Variants in NRXN3 observed in about 807,000 individuals in gnomAD.
The protein encoded by NRXN3 is neurexin 3, also known as neurexin III.
NRXN3 carries 32 observed loss-of-function variants against 137.6 expected under a neutral mutation model. The ratio of observed to expected loss-of-function variants is 0.23; its 90% confidence interval spans 0.18 to 0.31. NRXN3 has a LOEUF of 0.31. Ranked by LOEUF, NRXN3 falls within the 10% of genes least tolerant of loss-of-function variation. NRXN3 has a pLI of 1.00. For missense variants in NRXN3, 1,574 were observed against 2,062.5 expected (o/e 0.76, Z 4.59); for synonymous variants, 798 against 784.5 (o/e 1.02, Z -0.29).
intron 10 of NRXN3, among the ~76,000 whole-genome samples, chr14:78,921,778 A>G (rs1368199541): frequency 2.0e-5 from 3 of 152,232 alleles, no homozygotes; most frequent in Admixed American, 6.5e-5. Context: ...CTAGACAAAC[A>G]TATAAATCAA....
At chr14:78,249,480 C>T (rs2068243776) in intron 2 of NRXN3, among the ~76,000 whole-genome samples, 1 of 152,102 alleles carries the variant, frequency 6.6e-6, no homozygotes, top group African/African-American at 2.4e-5. Context: ...CTTCACAGGG[C>T]AGATGAGGTG....
At chr14:79,547,238 A>C (rs547302035) in intron 16 of NRXN3, among the ~76,000 whole-genome samples, 4 of 152,292 alleles carry the variant, frequency 2.6e-5, no homozygotes, top group African/African-American at 9.6e-5. Context: ...TGTATCCTGC[A>C]GTGGAAAATT....
rs901996135 is a variant in NRXN3, at chr14:79,144,776, C to A, written c.3262+156635C>A. ...TTCTTGGTTGTTTATTCTCTTTCTT[C>A]TTCCCTCTTTATATCTCTCCATCCT... is the stretch of plus-strand genomic sequence containing the variant. On this transcript the variant is annotated intron_variant, in intron 15 of 20. Coordinates refer to ENST00000335750, the MANE Select transcript of NRXN3 (RefSeq NM_001330195.2). 4.6e-5 allele frequency among the ~76,000 whole-genome samples: 7 copies of A among 152,112 alleles called. No homozygotes were observed. In the East Asian group the frequency reaches 1.2e-3, roughly 25 times the overall value.
intron 10 of NRXN3, among the ~76,000 whole-genome samples, chr14:78,872,207 G>T (rs2099103021): frequency 1.4e-5 from 2 of 148,018 alleles, no homozygotes; most frequent in South Asian, 4.2e-4. Context: ...CAATTCTTTT[G>T]TTGAATAAAT....
At chr14:78,502,946 A>C (rs941154314) in intron 4 of NRXN3, among the ~76,000 whole-genome samples, 4 of 152,148 alleles carry the variant, frequency 2.6e-5, no homozygotes, top group Non-Finnish European at 5.9e-5. Context: ...TCTACATTCT[A>C]TGTGTATTTG....
intron 15 of NRXN3, among the ~76,000 whole-genome samples, chr14:79,453,310 A>T (rs954601597): frequency 6.6e-6 from 1 of 152,190 alleles, no homozygotes; most frequent in Non-Finnish European, 1.5e-5. Context: ...TGTCTCAAAA[A>T]AATAAATAAA....
chr14:78,799,429 A>G (rs925181602), intron 8 of NRXN3, among the ~76,000 whole-genome samples: 13 of 152,186 alleles, frequency 8.5e-5, no homozygotes, highest in African/African-American at 3.1e-4. Flanking sequence ...CCTGAATTTC[A>G]TTGTCAGCAT....
At chr14:78,332,647 C>T (rs1258394881) in intron 4 of NRXN3, among the ~76,000 whole-genome samples, 6 of 152,200 alleles carry the variant, frequency 3.9e-5, no homozygotes, top group Non-Finnish European at 7.4e-5. Flanking sequence ...TCACACTGCC[C>T]CCTTCCATGG....
chr14:79,788,366 C>T (rs1457201400), intron 19 of NRXN3, among the ~76,000 whole-genome samples: 2 of 152,190 alleles, frequency 1.3e-5, no homozygotes, highest in Non-Finnish European at 2.9e-5. Flanking sequence ...ACAGACATTT[C>T]CTGAGTACCT....
intron 15 of NRXN3, among the ~76,000 whole-genome samples, chr14:79,135,064 A>G (rs2058082406): frequency 6.6e-6 from 1 of 152,212 alleles, no homozygotes; most frequent in Non-Finnish European, 1.5e-5. Context: ...TCTCTTGTAT[A>G]TGTTTAAATA....
intron 19 of NRXN3, chr14:79,791,285 G>C (rs1289169799): frequency 2.0e-5 from 3 of 151,840 alleles, no homozygotes; most frequent in African/African-American, 7.3e-5. Flanking sequence ...TGCTCTCTCT[G>C]TATTGTTCTC....
chr14:78,587,370 G>A (rs2097075456), intron 4 of NRXN3, among the ~76,000 whole-genome samples: 1 of 152,122 alleles, frequency 6.6e-6, no homozygotes, highest in East Asian at 1.9e-4. Flanking sequence ...CAAATCCTCG[G>A]TGCACCCCCA....
intron 15 of NRXN3, among the ~76,000 whole-genome samples, chr14:79,295,071 C>T (rs976267844): frequency 6.6e-6 from 1 of 152,112 alleles, no homozygotes; most frequent in Non-Finnish European, 1.5e-5. Flanking sequence ...CCTCTGTACT[C>T]AGAACAAAGG....
chr14:78,326,877 A>G (rs2080164847), intron 4 of NRXN3, among the ~76,000 whole-genome samples: 1 of 151,390 alleles, frequency 6.6e-6, no homozygotes, highest in African/African-American at 2.4e-5. Context: ...ATTCGAATCC[A>G]GTTAGTCTGC....
At chr14:78,329,868 T>A (rs1053083045) in intron 4 of NRXN3, among the ~76,000 whole-genome samples, 1 of 152,146 alleles carries the variant, frequency 6.6e-6, no homozygotes, top group Non-Finnish European at 1.5e-5. Context: ...AATTTGAGGG[T>A]TGTTGAGAAT....
chr14:78,823,037 C>T (rs1042710051), intron 10 of NRXN3, among the ~76,000 whole-genome samples: 1 of 152,178 alleles, frequency 6.6e-6, no homozygotes, highest in Non-Finnish European at 1.5e-5. Flanking sequence ...TTGCCATAAC[C>T]AGTCTCGAAG....
At position 79,361,448 on chromosome 14, in the gene NRXN3, G is replaced by A. The variant is rs117017674; in HGVS notation, c.3263-105773G>A. Among the ~76,000 whole-genome samples, 1,252 of 152,306 alleles carry A rather than the reference G, an allele frequency of 8.2e-3. 24 individuals are homozygous for A. The highest frequency in any genetic ancestry group is 0.08 in the South Asian group (385 of 4,826). On this transcript the variant is annotated intron_variant, in intron 15 of 20. Coordinates refer to ENST00000335750, the MANE Select transcript of NRXN3 (RefSeq NM_001330195.2). ...ACAAAGTTTATCTGCTGAGTGCGGT[G>A]GCTCATGCCTGTAATTCCAGCACTT...
At chr14:78,766,172 G>T (rs1403049511) in intron 8 of NRXN3, among the ~76,000 whole-genome samples, 2 of 152,174 alleles carry the variant, frequency 1.3e-5, no homozygotes, top group Non-Finnish European at 2.9e-5. Context: ...ATGGTCCTTT[G>T]TAGACATCTA....
chr14:79,232,838 C>T (rs558032117), intron 15 of NRXN3, among the ~76,000 whole-genome samples: 42 of 152,256 alleles, frequency 2.8e-4, no homozygotes, highest in Admixed American at 1.9e-3. Flanking sequence ...GTAAAGTTTT[C>T]TTGTAGCACC....
Sources: gnomAD v4.1 joint callset for allele counts (sites outside exome capture counted in the v4.1 genomes callset) on GRCh38, gnomAD v4.1.1 for gene constraint, MANE v1.5 for transcripts, NCBI Gene and HGNC (gene_info 2026-07-23, HGNC 2026-07-21) for gene names.